Variants in GPC6 observed in about 807,000 individuals in gnomAD.
GPC6 encodes the protein glypican-6.
A neutral mutation model predicts 55.2 loss-of-function variants in GPC6; 14 were observed. The observed-to-expected ratio is 0.25, with a 90% CI of 0.17 to 0.40. GPC6 has a LOEUF of 0.40. GPC6 is among the 10% of genes least tolerant of loss of function. GPC6 has a pLI of 1.00. For missense variants in GPC6, 641 were observed against 708.5 expected (o/e 0.90, Z 1.08); for synonymous variants, 278 against 259.6 (o/e 1.07, Z -0.68).
At chr13:93,827,124 T>A (rs1055408925) in intron 2 of GPC6, among the ~76,000 whole-genome samples, 8 of 152,202 alleles carry the variant, frequency 5.3e-5, no homozygotes, top group African/African-American at 1.9e-4. Flanking sequence ...GCCAAACTGT[T>A]TTTTGCAGAT....
At chr13:93,280,992 G>A (rs1002737313) in intron 1 of GPC6, among the ~76,000 whole-genome samples, 1 of 152,140 alleles carries the variant, frequency 6.6e-6, no homozygotes, top group Non-Finnish European at 1.5e-5. Context: ...AATAGGCAAC[G>A]GACTGGTGCT....
At chr13:93,405,246 T>A (rs1003410899) in intron 1 of GPC6, among the ~76,000 whole-genome samples, 1 of 152,122 alleles carries the variant, frequency 6.6e-6, no homozygotes, top group Non-Finnish European at 1.5e-5. Flanking sequence ...ACTGTGTGGA[T>A]CTATCTCCTG....
intron 3 of GPC6, among the ~76,000 whole-genome samples, chr13:93,956,252 A>T (rs1467332866): frequency 6.6e-6 from 1 of 152,082 alleles, no homozygotes; most frequent in Non-Finnish European, 1.5e-5. Context: ...TCTTGTGACA[A>T]TTCTGCAAGC....
intron 1 of GPC6, among the ~76,000 whole-genome samples, chr13:93,416,460 T>G (rs1876700414): frequency 6.6e-6 from 1 of 152,074 alleles, no homozygotes; most frequent in Non-Finnish European, 1.5e-5. Flanking sequence ...TGAGATGTTT[T>G]GATACAGGCA....
chr13:93,712,941 A>G (rs1236404052), intron 2 of GPC6, among the ~76,000 whole-genome samples: 1 of 151,534 alleles, frequency 6.6e-6, no homozygotes, highest in African/African-American at 2.4e-5. Context: ...AAAAATTTCT[A>G]AAAGTAGGCA....
chr13:93,860,351 A>AT (rs991567504), intron 3 of GPC6, among the ~76,000 whole-genome samples: 19 of 151,694 alleles, frequency 1.3e-4, no homozygotes, highest in Non-Finnish European at 2.2e-4. Flanking sequence ...ACTTTCATGC[A>AT]TTTTTTTAAA....
At chr13:94,158,168 C>A (rs2138908240) in intron 4 of GPC6, among the ~76,000 whole-genome samples, 1 of 152,214 alleles carries the variant, frequency 6.6e-6, no homozygotes, top group South Asian at 2.1e-4. Flanking sequence ...TGATACGCAA[C>A]CTCTCCATGG....
intron 1 of GPC6, among the ~76,000 whole-genome samples, chr13:93,312,706 T>C (rs1879115212): frequency 6.6e-6 from 1 of 152,202 alleles, no homozygotes; most frequent in East Asian, 1.9e-4. Flanking sequence ...GCCAATTAAA[T>C]GAAGAATAAT....
intron 1 of GPC6, among the ~76,000 whole-genome samples, chr13:93,325,362 T>G (rs1879617498): frequency 6.6e-6 from 1 of 152,144 alleles, no homozygotes; most frequent in Non-Finnish European, 1.5e-5. Context: ...GTACATGCAA[T>G]GCATTGCTTT....
At chr13:94,080,520 A>T (rs1484306000) in intron 4 of GPC6, among the ~76,000 whole-genome samples, 1 of 152,054 alleles carries the variant, frequency 6.6e-6, no homozygotes, top group Non-Finnish European at 1.5e-5. Flanking sequence ...TCAGGTTAAT[A>T]TTTTTTTTCA....
intron 2 of GPC6, among the ~76,000 whole-genome samples, chr13:93,783,812 ACTGATT>A (rs1219537293): frequency 6.6e-6 from 1 of 152,124 alleles, no homozygotes; most frequent in Non-Finnish European, 1.5e-5. Flanking sequence ...TCTGTGCTTT[ACTGATT>A]CTGTTCCCTC....
intron 1 of GPC6, among the ~76,000 whole-genome samples, chr13:93,519,990 T>G (rs1437706269): frequency 6.6e-6 from 1 of 152,028 alleles, no homozygotes; most frequent in Non-Finnish European, 1.5e-5. Context: ...ATTTGACATC[T>G]TAATTTTCTT....
intron 3 of GPC6, among the ~76,000 whole-genome samples, chr13:93,947,449 T>C (rs1295721784): frequency 6.6e-6 from 1 of 152,130 alleles, no homozygotes; most frequent in African/African-American, 2.4e-5. Context: ...ACAAACAAGA[T>C]GAAAACAGAG....
chr13:93,601,957 T>G (rs1878033353), intron 2 of GPC6, among the ~76,000 whole-genome samples: 1 of 152,250 alleles, frequency 6.6e-6, no homozygotes, highest in African/African-American at 2.4e-5. Flanking sequence ...GAGGAAATTT[T>G]TAATATAGAC....
chr13:93,388,726 A>G (rs1295561818), intron 1 of GPC6, among the ~76,000 whole-genome samples: 3 of 152,002 alleles, frequency 2.0e-5, no homozygotes, highest in African/African-American at 4.8e-5. Flanking sequence ...ATTTTTCACC[A>G]TTGCTCTTAT....
At chr13:93,508,604 C>T (rs913656519) in intron 1 of GPC6, among the ~76,000 whole-genome samples, 1 of 152,186 alleles carries the variant, frequency 6.6e-6, no homozygotes, top group African/African-American at 2.4e-5. Flanking sequence ...AAAAGGTTTA[C>T]TCAGGCTACT....
At chr13:93,936,383 G>A (rs889828638) in intron 3 of GPC6, among the ~76,000 whole-genome samples, 1 of 151,676 alleles carries the variant, frequency 6.6e-6, no homozygotes, top group African/African-American at 2.4e-5. Context: ...GAAGGGGAAT[G>A]TGTGTGCGGG....
intron 1 of GPC6, among the ~76,000 whole-genome samples, chr13:93,457,197 T>G (rs1489350718): frequency 6.6e-6 from 1 of 152,222 alleles, no homozygotes; most frequent in Non-Finnish European, 1.5e-5. Flanking sequence ...GAGAATGGAC[T>G]AATACACTTC....
intron 3 of GPC6, among the ~76,000 whole-genome samples, chr13:93,884,099 C>T (rs1004149967): frequency 6.6e-6 from 1 of 152,098 alleles, no homozygotes; most frequent in African/African-American, 2.4e-5. Context: ...AGAAAAGGTG[C>T]AGCTAAATTA....
Sources: gnomAD v4.1 joint callset for allele counts (sites outside exome capture counted in the v4.1 genomes callset) on GRCh38, gnomAD v4.1.1 for gene constraint, MANE v1.5 for transcripts, NCBI Gene and HGNC (gene_info 2026-07-23, HGNC 2026-07-21) for gene names.